Variants in RBFOX1 observed in about 807,000 individuals in gnomAD.
The protein encoded by RBFOX1 is RNA binding protein fox-1 homolog 1.
In RBFOX1, 8 loss-of-function variants were observed where a neutral mutation model predicts 57.7. The observed-to-expected ratio is 0.14, with a 90% CI of 0.08 to 0.25. The LOEUF is 0.25. Ranked by LOEUF, RBFOX1 falls within the 10% of genes least tolerant of loss-of-function variation. The pLI, the probability that RBFOX1 is intolerant of heterozygous loss-of-function variation, is 1.00. For synonymous variants in RBFOX1, 326 were observed against 222.4 expected (o/e 1.47, Z -4.15); for missense variants, 611 against 548.5 (o/e 1.11, Z -1.14).
chr16:7,170,953 G>C (rs2080569848), intron 4 of RBFOX1, among the ~76,000 whole-genome samples: 1 of 152,068 alleles, frequency 6.6e-6, no homozygotes, highest in African/African-American at 2.4e-5. Flanking sequence ...TGTATATCAG[G>C]TTTCCTTTTG....
rs34743228 is a variant in RBFOX1 at position 5,956,678 on chromosome 16, A to ATT, written c.351+89350_351+89351dup. ...TATATTTATATATATATATATATAT[A>ATT]TTTTTTTTGAGGCACAGTCTCATCC... On this transcript the variant is annotated intron_variant, in intron 4 of 19. Coordinates refer to the RBFOX1 transcript ENST00000641259. Among the ~76,000 whole-genome samples the ATT allele has an allele frequency of 4.7e-4, 55 of 116,474 alleles. No homozygotes were observed. The Middle Eastern group carries it at 0.014, about 29-fold the overall frequency. 76.4% of individuals were successfully genotyped at this position (116,474 alleles called of 152,430 possible).
chr16:6,767,945 AATAAGAAGAAG>A (rs1266354713), intron 3 of RBFOX1, among the ~76,000 whole-genome samples: 1 of 76,906 alleles, frequency 1.3e-5, no homozygotes, highest in East Asian at 4.2e-4. Context: ...TAATAATAAT[AATAAGAAGAAG>A]AAGAAGAAGA....
intron 4 of RBFOX1, among the ~76,000 whole-genome samples, chr16:7,151,628 C>G (rs2076125060): frequency 1.3e-5 from 2 of 152,066 alleles, no homozygotes; most frequent in African/African-American, 4.8e-5. Flanking sequence ...TGATTTAAGT[C>G]CTTTACATTT....
At chr16:6,787,120 T>G (rs926877688) in intron 3 of RBFOX1, among the ~76,000 whole-genome samples, 1 of 152,196 alleles carries the variant, frequency 6.6e-6, no homozygotes, top group African/African-American at 2.4e-5. Context: ...AATGATTTCC[T>G]GCCCCAATTG....
chr16:6,163,121 C>G (rs989886332), intron 1 of RBFOX1, among the ~76,000 whole-genome samples: 4 of 152,082 alleles, frequency 2.6e-5, no homozygotes, highest in African/African-American at 7.2e-5. Context: ...AGACACAGCA[C>G]TGAAGGAAGG....
At chr16:7,401,721 A>C (rs1264173223) in intron 4 of RBFOX1, among the ~76,000 whole-genome samples, 1 of 152,172 alleles carries the variant, frequency 6.6e-6, no homozygotes, top group African/African-American at 2.4e-5. Flanking sequence ...CAGTGAGGTA[A>C]TGAGGAAATG....
chr16:7,371,708 C>T (rs764971107), intron 4 of RBFOX1, among the ~76,000 whole-genome samples: 18 of 152,126 alleles, frequency 1.2e-4, no homozygotes, highest in Non-Finnish European at 2.2e-4. Context: ...TGAGATCACG[C>T]CACTGCACTC....
chr16:5,680,381 C>G (rs2050295288), intron 3 of RBFOX1, among the ~76,000 whole-genome samples: 1 of 152,190 alleles, frequency 6.6e-6, no homozygotes, highest in African/African-American at 2.4e-5. Flanking sequence ...TCAGATCTCT[C>G]TTTTCACGGA....
At chr16:6,492,667 A>T (rs912232867) in intron 2 of RBFOX1, among the ~76,000 whole-genome samples, 1 of 152,120 alleles carries the variant, frequency 6.6e-6, no homozygotes, top group African/African-American at 2.4e-5. Flanking sequence ...GTTTGTGAAG[A>T]TGCAGCTTGG....
chr16:7,172,647 C>G (rs73554355), intron 4 of RBFOX1, among the ~76,000 whole-genome samples: 1,569 of 152,184 alleles, frequency 0.01, 23 homozygotes, highest in African/African-American at 0.036. Context: ...ACACATCATG[C>G]CAAGTTGTAG....
intron 2 of RBFOX1, among the ~76,000 whole-genome samples, chr16:5,578,182 C>A (rs1432942606): frequency 6.6e-6 from 1 of 152,132 alleles, no homozygotes; most frequent in Non-Finnish European, 1.5e-5. Context: ...GATCTCTTGA[C>A]CTCGTGATCC....
At chr16:6,340,354 G>A (rs1325718918) in intron 2 of RBFOX1, among the ~76,000 whole-genome samples, 1 of 152,154 alleles carries the variant, frequency 6.6e-6, no homozygotes, top group African/African-American at 2.4e-5. Flanking sequence ...CTCTAAGACA[G>A]GGTTCTTGGA....
intron 3 of RBFOX1, among the ~76,000 whole-genome samples, chr16:6,680,790 C>T (rs1320559130): frequency 6.6e-6 from 1 of 152,110 alleles, no homozygotes; most frequent in Non-Finnish European, 1.5e-5. Flanking sequence ...CCTAACTTTG[C>T]AAACCATTTT....
chr16:7,463,852 A>T (rs762904778), intron 4 of RBFOX1, among the ~76,000 whole-genome samples: 2 of 152,222 alleles, frequency 1.3e-5, no homozygotes, highest in Non-Finnish European at 2.9e-5. Context: ...TAGATACTTC[A>T]AATTGATTGG....
At chr16:5,382,567 C>G (rs1318436353) in intron 1 of RBFOX1, among the ~76,000 whole-genome samples, 13 of 152,124 alleles carry the variant, frequency 8.5e-5, no homozygotes, top group Admixed American at 8.5e-4. Flanking sequence ...TCTGTACTTT[C>G]CTTGCTTGCT....
At chr16:7,479,551 G>A (rs149447416) in intron 4 of RBFOX1, among the ~76,000 whole-genome samples, 200 of 152,254 alleles carry the variant, frequency 1.3e-3, no homozygotes, top group African/African-American at 3.9e-3. Context: ...GCCTTTTCCC[G>A]GGTGAAGGTA....
At chr16:7,708,721 G>T (rs1019374250) in intron 14 of RBFOX1, among the ~76,000 whole-genome samples, 2 of 152,166 alleles carry the variant, frequency 1.3e-5, no homozygotes, top group Non-Finnish European at 2.9e-5. Flanking sequence ...CTTAATACTT[G>T]AAGTTGTTTC....
At chr16:6,128,044 C>T (rs2096602779) in intron 1 of RBFOX1, among the ~76,000 whole-genome samples, 1 of 152,074 alleles carries the variant, frequency 6.6e-6, no homozygotes, top group African/African-American at 2.4e-5. Flanking sequence ...TCACTAGGCA[C>T]ATGTGACTTC....
At chr16:7,071,180 T>C (rs574854614) in intron 4 of RBFOX1, among the ~76,000 whole-genome samples, 34 of 152,302 alleles carry the variant, frequency 2.2e-4, no homozygotes, top group African/African-American at 7.9e-4. Context: ...TAGTATTGGT[T>C]CTTAGGTATC....
Sources: allele counts gnomAD v4.1 joint callset (sites outside exome capture counted in the v4.1 genomes callset), GRCh38; gene constraint gnomAD v4.1.1; transcripts MANE v1.5; gene names NCBI Gene and HGNC (gene_info 2026-07-23, HGNC 2026-07-21).